The following VIPR2 variants were observed in gnomAD, a reference collection of about 807,000 sequenced individuals.
The protein encoded by VIPR2 is vasoactive intestinal peptide receptor 2, also known as vasoactive intestinal polypeptide receptor 2.
A neutral mutation model predicts 58.0 loss-of-function variants in VIPR2; 48 were observed. The observed-to-expected ratio is 0.83, with a 90% CI of 0.66 to 1.05. The LOEUF is 1.05. Among genes scored for constraint, VIPR2 ranks in the 50% least tolerant of loss-of-function variants. VIPR2 has a pLI of 0.00. For missense variants in VIPR2, 534 were observed against 558.0 expected (o/e 0.96, Z 0.43); for synonymous variants, 243 against 235.2 (o/e 1.03, Z -0.30).
intron 4 of VIPR2, among the ~76,000 whole-genome samples, chr7:159,073,831 C>T (rs1340778121): frequency 6.6e-6 from 1 of 152,178 alleles, no homozygotes; most frequent in Non-Finnish European, 1.5e-5. Context: ...TACACCTCTT[C>T]TGGGCTGTGG....
chr7:159,132,831 G>GACAGAATGATTGGCATACAGATTGATTTC (rs1796996212), intron 2 of VIPR2, among the ~76,000 whole-genome samples: 11 of 40,496 alleles, frequency 2.7e-4, no homozygotes, highest in Non-Finnish European at 4.5e-4. Context: ...CGATTGATTT[G>GACAGAATGATTGGCATACAGATTGATTTC]AGACAGAATG....
At chr7:159,055,896 G>A (rs998826999) in intron 5 of VIPR2, among the ~76,000 whole-genome samples, 6 of 152,226 alleles carry the variant, frequency 3.9e-5, no homozygotes, top group Non-Finnish European at 5.9e-5. Flanking sequence ...GGCAATGGAG[G>A]TAGTAGAAAG....
chr7:159,138,990 TGGA>T (rs1262002128), intron 2 of VIPR2, among the ~76,000 whole-genome samples: 1 of 152,286 alleles, frequency 6.6e-6, no homozygotes, highest in East Asian at 1.9e-4. Flanking sequence ...CTCTGGGCAC[TGGA>T]GGAGAAGGAC....
At chr7:159,112,683 C>T (rs1040057981) in intron 2 of VIPR2, among the ~76,000 whole-genome samples, 12 of 133,986 alleles carry the variant, frequency 9.0e-5, no homozygotes, top group Non-Finnish European at 1.4e-4. Flanking sequence ...AGGCGGCTCA[C>T]GGCGCCTACC....
chr7:159,034,593 T>G lies in VIPR2; in HGVS notation c.867A>C (p.Leu289Phe), dbSNP rs1432950739. The G allele has an allele frequency of 1.2e-6, 2 of 1,613,692 alleles. No individual in the cohort carries two copies. Among genetic ancestry groups the G allele is most frequent in the Non-Finnish European group, 1.7e-6 (2 of 1,179,772 alleles). Residue 289 changes from leucine to phenylalanine, a missense_variant, in exon 9 of 13, where the codon TTA becomes TTC. Physicochemically the swap from Leu to Phe is conservative, Grantham distance 22. Transcript: ENST00000262178. ...VPWWVIRIPI[L>F]ISIIVNFVLF... ...AGGGACTACTTACGATGATGGAAATTAAAATCGGTATTCGTATGACCCACC... is the reference window on the plus strand; with the variant it reads ...AGGGACTACTTACGATGATGGAAATGAAAATCGGTATTCGTATGACCCACC...
chr7:159,040,526 G>C (rs1179428022), intron 6 of VIPR2, among the ~76,000 whole-genome samples: 1 of 152,228 alleles, frequency 6.6e-6, no homozygotes, highest in Non-Finnish European at 1.5e-5. Context: ...CAGGGCCCCA[G>C]AGGAAACTGT....
rs538733275 is a variant in VIPR2, at chr7:159,063,960, G to A, written c.358-5382C>T. 2.9e-3 allele frequency among the ~76,000 whole-genome samples: 442 copies of A among 150,886 alleles called. 2 individuals are homozygous for A. The highest frequency in any genetic ancestry group is 9.9e-3 in the African/African-American group (406 of 41,008). On this transcript the variant is annotated intron_variant, in intron 4 of 12. Transcript: ENST00000262178. Reference sequence around the variant, plus strand: ...ATCTGGGGGGCCTGGCGGGGTCCGGGGGTCGTGGAGCACCCGGTGCTCACA... The same window carrying A: ...ATCTGGGGGGCCTGGCGGGGTCCGGAGGTCGTGGAGCACCCGGTGCTCACA...
At chr7:159,133,029 T>TTGGCATACAGATTGATTTTAGACAGAA (rs1585563303) in intron 2 of VIPR2, among the ~76,000 whole-genome samples, 4 of 88,424 alleles carry the variant, frequency 4.5e-5, no homozygotes, top group East Asian at 5.0e-4. Flanking sequence ...GACAGAATGA[T>TTGGCATACAGATTGATTTTAGACAGAA]TCCAAAAATG....
chr7:159,084,981 C>G lies in VIPR2; in HGVS notation c.357+18776G>C, dbSNP rs934398445. 2.0e-5 allele frequency among the ~76,000 whole-genome samples: 3 copies of G among 152,316 alleles called. No homozygotes were observed. The South Asian group carries it at 6.2e-4, about 32-fold the overall frequency. On this transcript the variant is annotated intron_variant, in intron 4 of 12. Coordinates refer to ENST00000262178, the MANE Select transcript of VIPR2 (RefSeq NM_003382.5). ...GAAGCTTCTTCTAAAAACGGAGGTG[C>G]TGTTTCAAGATTCAGGATGAGAACA...
chr7:159,098,608 A>G lies in VIPR2; in HGVS notation c.357+5149T>C, dbSNP rs1858005883. On this transcript the variant is annotated intron_variant, in intron 4 of 12. Transcript: ENST00000262178. This position sits in a 1 kb window ranked among gnomAD's most constrained non-coding sequence, Gnocchi z 5.2. The stretch of plus-strand genomic sequence containing the variant: ...TGGGCTCCAGGTCCAGATGAGATGC[A>G]GCTGCTCAGCAGTGCCCAGGGCTGC... Among the ~76,000 whole-genome samples, 1 of 152,064 alleles carries G rather than the reference A, an allele frequency of 6.6e-6. No individual in the cohort carries two copies. The highest frequency in any genetic ancestry group is 2.4e-5 in the African/African-American group (1 of 41,416).
At position 159,030,560 on chromosome 7, in the gene VIPR2, C is replaced by T; in HGVS notation, c.*56G>A. On this transcript the variant is annotated 3_prime_UTR_variant, in exon 13 of 13. Coordinates refer to ENST00000262178, the MANE Select transcript of VIPR2 (RefSeq NM_003382.5). ...GGAAGGAGGAAGCCGGCGTCTCAGCCCCGCAGAAGCCCCGAACCGTGGGCC... is the reference window on the plus strand; with the variant it reads ...GGAAGGAGGAAGCCGGCGTCTCAGCTCCGCAGAAGCCCCGAACCGTGGGCC... 1 of 1,472,764 alleles carries T rather than the reference C, an allele frequency of 6.8e-7. No individual in the cohort carries two copies. Among genetic ancestry groups the T allele is most frequent in the South Asian group, 1.4e-5 (1 of 71,760 alleles). 91.2% of individuals were successfully genotyped at this position (1,472,764 alleles called of 1,614,324 possible). A position where few individuals can be genotyped will look rare whatever the true frequency, so the allele number is the denominator to read the frequency against.
chr7:159,144,453 G>A, intron 1 of VIPR2: 1 of 1,543,436 alleles, frequency 6.5e-7, no homozygotes, highest in South Asian at 1.2e-5. Flanking sequence ...AAACGATCCC[G>A]TTTCCAGCAA....
At chr7:159,135,355 C>T (rs952701393) in intron 2 of VIPR2, among the ~76,000 whole-genome samples, 1 of 151,884 alleles carries the variant, frequency 6.6e-6, no homozygotes, top group Non-Finnish European at 1.5e-5. Context: ...TTGCTTCAAC[C>T]CAGGAGGCAA....
At chr7:159,037,117 A>G (rs1347499186) in intron 6 of VIPR2, among the ~76,000 whole-genome samples, 1 of 152,160 alleles carries the variant, frequency 6.6e-6, no homozygotes, top group East Asian at 1.9e-4. Flanking sequence ...GCGGCTCCAG[A>G]GGAGGATCAC....
chr7:159,113,076 G>C (rs1457389430), intron 2 of VIPR2, among the ~76,000 whole-genome samples: 2 of 152,190 alleles, frequency 1.3e-5, no homozygotes, highest in Admixed American at 1.3e-4. Flanking sequence ...AAGAGAGACA[G>C]ACCCTCTCAC....
At chr7:159,106,936 TCAGGGAGGTACAGAGAGAGGC>T (rs1238232452) in intron 3 of VIPR2, among the ~76,000 whole-genome samples, 13 of 104,828 alleles carry the variant, frequency 1.2e-4, no homozygotes, top group African/African-American at 2.3e-4. Flanking sequence ...TGCAGAGAGA[TCAGGGAGGTACAGAGAGAGGC>T]CAGGGAGGTG....
intron 4 of VIPR2, among the ~76,000 whole-genome samples, chr7:159,062,150 C>T (rs915999406): frequency 2.6e-5 from 4 of 152,154 alleles, no homozygotes; most frequent in African/African-American, 4.8e-5. Flanking sequence ...ATGGGGGGCC[C>T]GCGGGCCTTC....
intron 2 of VIPR2, among the ~76,000 whole-genome samples, chr7:159,135,980 A>C (rs1254521742): frequency 6.6e-6 from 1 of 152,190 alleles, no homozygotes; most frequent in Non-Finnish European, 1.5e-5. Context: ...CTGACCCAGA[A>C]AACTCTACAA....
At chr7:159,135,908 A>G (rs1797200481) in intron 2 of VIPR2, among the ~76,000 whole-genome samples, 1 of 152,204 alleles carries the variant, frequency 6.6e-6, no homozygotes, top group Non-Finnish European at 1.5e-5. Flanking sequence ...CCACGACACG[A>G]GGCAACCCTC....
Sources: allele counts gnomAD v4.1 joint callset (sites outside exome capture counted in the v4.1 genomes callset), GRCh38; gene constraint gnomAD v4.1.1; non-coding constraint Gnocchi (gnomAD v3.1); transcripts MANE v1.5; gene names NCBI Gene and HGNC (gene_info 2026-07-23, HGNC 2026-07-21).